Variants in TPT1 observed in about 807,000 individuals in gnomAD.
TPT1 encodes translationally-controlled tumor protein.
TPT1 carries 5 observed loss-of-function variants against 22.8 expected under a neutral mutation model. The ratio of observed to expected loss-of-function variants is 0.22; its 90% CI spans 0.11 to 0.46. The LOEUF (loss-of-function observed/expected upper bound fraction) is 0.46, where lower values mean the gene tolerates loss of function less well. Ranked by LOEUF, TPT1 falls within the 20% of genes least tolerant of loss-of-function variation. TPT1 has a pLI of 0.99. For missense variants in TPT1, 130 were observed against 218.7 expected (o/e 0.59, Z 2.56); for synonymous variants, 89 against 73.6 (o/e 1.21, Z -1.07).
intron 3 of TPT1, 144 bp from the exon 4 acceptor site, chr13:45,339,746 C>T: frequency 1.3e-6 from 1 of 787,350 alleles, no homozygotes; most frequent in Non-Finnish European, 2.0e-6. Context: ...CAGAAGGTAT[C>T]TTTCAAGAAT....
chr13:45,339,310 A>G (rs775424048), intron 4 of TPT1, 187 bp downstream of exon 4: 114 of 489,292 alleles, frequency 2.3e-4, no homozygotes, highest in South Asian at 1.1e-3. Context: ...ACAAAAAGAA[A>G]AACTGAGAAA....
intron 2 of TPT1, 112 bp from the exon 3 acceptor site, chr13:45,340,296 A>G: frequency 2.2e-6 from 3 of 1,347,234 alleles, no homozygotes; most frequent in Non-Finnish European, 3.1e-6. Context: ...GAAAATAAAA[A>G]AAGCACCATT....
In TPT1 at chr13:45,335,014, T is replaced by C. The variant is rs1878581837; in HGVS notation, c.*2372A>G. The C allele has an allele frequency of 1.3e-5, 2 of 152,200 alleles. No homozygotes were observed. The highest frequency in any genetic ancestry group is 2.9e-5 in the Non-Finnish European group (2 of 68,026). 9.4% of individuals were successfully genotyped at this position (152,200 alleles called of 1,614,324 possible). A position where few individuals can be genotyped will look rare whatever the true frequency, so the allele number is the denominator to read the frequency against. On this transcript the variant is annotated 3_prime_UTR_variant, in exon 6 of 6. Coordinates refer to ENST00000530705, the MANE Select transcript of TPT1 (RefSeq NM_003295.4). ...GACCTTCCTAGAAAAGTCCTCTTGCTCCACTCAGTTGTTCTCCACACTTTA... is the reference window on the plus strand; with the variant it reads ...GACCTTCCTAGAAAAGTCCTCTTGCCCCACTCAGTTGTTCTCCACACTTTA...
At chr13:45,337,789 T>G (rs566029023) in intron 5 of TPT1, among the ~76,000 whole-genome samples, 2 of 152,352 alleles carry the variant, frequency 1.3e-5, no homozygotes, top group South Asian at 4.1e-4. Flanking sequence ...CAGTATAGCT[T>G]TATGTTTTTC....
intron 4 of TPT1, 43 bp from the exon 5 acceptor site, chr13:45,338,819 CA>C (rs1159142713): frequency 3.4e-6 from 5 of 1,476,922 alleles, no homozygotes; most frequent in Non-Finnish European, 4.6e-6. Flanking sequence ...CTATTACATA[CA>C]AATACATGCC....
chr13:45,340,485 G>C (rs1366689637), intron 2 of TPT1: 4 of 747,206 alleles, frequency 5.4e-6, no homozygotes, highest in Admixed American at 2.0e-5. Flanking sequence ...TCCTAAGCCG[G>C]AAGCATCATG....
chr13:45,337,200 T>C lies in TPT1; in HGVS notation c.*186A>G, dbSNP rs968701394. The C allele has an allele frequency of 7.8e-6, 5 of 640,868 alleles. No individual in the cohort carries two copies. The highest frequency in any genetic ancestry group is 7.3e-5 in the African/African-American group (4 of 54,440). The allele number at this position is 640,868 out of a possible 1,614,324, so 39.7% of individuals were successfully genotyped here. ...AATGAGTTTAAATGCATTTTATTTTTAGACAACCTACATGACATGTTTTTC... is the reference window on the plus strand; with the variant it reads ...AATGAGTTTAAATGCATTTTATTTTCAGACAACCTACATGACATGTTTTTC... On this transcript the variant is annotated 3_prime_UTR_variant, in exon 6 of 6. Coordinates refer to ENST00000530705, the MANE Select transcript of TPT1 (RefSeq NM_003295.4).
rs1878870256 is a variant in TPT1 at position 45,338,568 on chromosome 13, A to G, written c.516+92T>C. ...CTAAAACCATGTTTCAGAACGCTGT[A>G]AAACTCATTCTCAGTGTCACAAAAC... is the stretch of plus-strand genomic sequence containing the variant. On this transcript the variant is annotated intron_variant, in intron 5 of 5. Coordinates refer to ENST00000530705, the MANE Select transcript of TPT1 (RefSeq NM_003295.4). The G allele has an allele frequency of 2.6e-6, 4 of 1,540,468 alleles. No individual in the cohort carries two copies. In the East Asian group the frequency reaches 9.3e-5, roughly 36 times the overall value.
chr13:45,340,677 C>T (rs762086612), intron 2 of TPT1, 35 bp downstream of exon 2: 46 of 1,559,086 alleles, frequency 3.0e-5, no homozygotes, highest in Middle Eastern at 1.7e-4. Context: ...CCCGCTCGGC[C>T]CGGACTCCCC....
intron 5 of TPT1, 160 bp from the exon 6 acceptor site, chr13:45,337,548 T>G: frequency 1.2e-6 from 2 of 1,611,518 alleles, no homozygotes; most frequent in East Asian, 4.5e-5. Context: ...TTCTTTCTTT[T>G]GCATCCTAGT....
chr13:45,340,863 C>A lies in TPT1; in HGVS notation c.29-78G>T, dbSNP rs563769054. On this transcript the variant is annotated intron_variant, in intron 1 of 5. Coordinates refer to ENST00000530705, the MANE Select transcript of TPT1 (RefSeq NM_003295.4). ...CGCATTTCCCGCGCCGGCGGCCGCA[C>A]GCGGGATCTGCCCCTCCGTAGCACA... 8.2e-6 allele frequency: 12 copies of A among 1,459,366 alleles called. No homozygotes were observed. In the South Asian group the frequency reaches 1.6e-4, roughly 19 times the overall value. 90.4% of individuals were successfully genotyped at this position (1,459,366 alleles called of 1,614,324 possible).
chr13:45,333,479 G>A lies in TPT1; in HGVS notation c.*3907C>T, dbSNP rs1019072956. On this transcript the variant is annotated 3_prime_UTR_variant, in exon 6 of 6. Coordinates refer to ENST00000530705, the MANE Select transcript of TPT1 (RefSeq NM_003295.4). ...ACCTTAAGGATGCTTTGTTATCAGT[G>A]TTCTCTCAAGTTGGTTGAGATTTAT... 2.6e-5 allele frequency: 4 copies of A among 152,152 alleles called. No homozygotes were observed. The highest frequency in any genetic ancestry group is 5.9e-5 in the Non-Finnish European group (4 of 68,036). The allele number at this position is 152,152 out of a possible 1,614,324, so 9.4% of individuals were successfully genotyped here.
chr13:45,333,697 C>A lies in TPT1; in HGVS notation c.*3689G>T, dbSNP rs1289293595. The A allele has an allele frequency of 1.3e-5, 2 of 152,154 alleles. No homozygotes were observed. The highest frequency in any genetic ancestry group is 2.4e-5 in the African/African-American group (1 of 41,436). The allele number at this position is 152,154 out of a possible 1,614,324, so 9.4% of individuals were successfully genotyped here. ...AAGCAGATGCACACATAATAAAAAA[C>A]CATGTACCTGTATTGTATTTCATGC... is the stretch of plus-strand genomic sequence containing the variant. On this transcript the variant is annotated 3_prime_UTR_variant, in exon 6 of 6. Coordinates refer to ENST00000530705, the MANE Select transcript of TPT1 (RefSeq NM_003295.4).
Position 45,335,239 on chromosome 13 carries a change from C to T in TPT1, c.*2147G>A, listed in dbSNP as rs1878597022. 6.6e-6 allele frequency: 1 copy of T among 152,152 alleles called. No individual in the cohort carries two copies. The highest frequency in any genetic ancestry group is 6.5e-5 in the Admixed American group (1 of 15,268). The allele number at this position is 152,152 out of a possible 1,614,324, so 9.4% of individuals were successfully genotyped here. ...TCTACCTGGAATCTTCAAAGGTTTACCATGAGGTAAACAGCTGGGGTTCAT... is the reference window on the plus strand; with the variant it reads ...TCTACCTGGAATCTTCAAAGGTTTATCATGAGGTAAACAGCTGGGGTTCAT... On this transcript the variant is annotated 3_prime_UTR_variant, in exon 6 of 6. Transcript: ENST00000530705.
At position 45,336,743 on chromosome 13, in the gene TPT1, A is replaced by C. The variant is rs940739793; in HGVS notation, c.*643T>G. ...TTAAAAAGGCAACCAACCACCTTAA[A>C]GTGTACAAAACAGGTGGTCAGATAG... On this transcript the variant is annotated 3_prime_UTR_variant, in exon 6 of 6. Coordinates refer to ENST00000530705, the MANE Select transcript of TPT1 (RefSeq NM_003295.4). 2.6e-5 allele frequency: 4 copies of C among 152,536 alleles called. No individual in the cohort carries two copies. Among genetic ancestry groups the C allele is most frequent in the African/African-American group, 9.6e-5 (4 of 41,474 alleles). The allele number at this position is 152,536 out of a possible 1,614,324, so 9.4% of individuals were successfully genotyped here. A position where few individuals can be genotyped will look rare whatever the true frequency, so the allele number is the denominator to read the frequency against.
At position 45,333,739 on chromosome 13, in the gene TPT1, CTT is replaced by C. The variant is rs1208294959; in HGVS notation, c.*3645_*3646del. Reference sequence around the variant, plus strand: ...ATTTCATGCCTGCGACTGTTAGTCTCTTGAGTGCATTTTAATTAGACTTCCTT... The same window carrying C: ...ATTTCATGCCTGCGACTGTTAGTCTCGAGTGCATTTTAATTAGACTTCCTT... On this transcript the variant is annotated 3_prime_UTR_variant, in exon 6 of 6. Coordinates refer to ENST00000530705, the MANE Select transcript of TPT1 (RefSeq NM_003295.4). The C allele has an allele frequency of 5.3e-5, 8 of 152,162 alleles. No individual in the cohort carries two copies. The highest frequency in any genetic ancestry group is 9.7e-5 in the African/African-American group (4 of 41,436). 9.4% of individuals were successfully genotyped at this position (152,162 alleles called of 1,614,324 possible). A position where few individuals can be genotyped will look rare whatever the true frequency, so the allele number is the denominator to read the frequency against.
chr13:45,341,070 G>T lies in TPT1; in HGVS notation c.-1C>A, dbSNP rs1879096776. On this transcript the variant is annotated 5_prime_UTR_variant, in exon 1 of 6. Transcript: ENST00000530705. The stretch of plus-strand genomic sequence containing the variant: ...TGATGAGGTCCCGGTAGATAATCAT[G>T]ATGGCGACTGAAGGGAGACGACGAC... 1.2e-6 allele frequency: 2 copies of T among 1,613,218 alleles called. No individual in the cohort carries two copies. The highest frequency in any genetic ancestry group is 1.7e-6 in the Non-Finnish European group (2 of 1,179,570).
At chr13:45,339,875 A>T in intron 3 of TPT1, 119 bp downstream of exon 3, 2 of 1,154,456 alleles carry the variant, frequency 1.7e-6, no homozygotes, top group Non-Finnish European at 2.4e-6. Flanking sequence ...TGAACTCATT[A>T]ATAAAAAAGC....
intron 5 of TPT1, 61 bp downstream of exon 5, chr13:45,338,599 C>CA: frequency 6.3e-7 from 1 of 1,583,954 alleles, no homozygotes; most frequent in Middle Eastern, 1.7e-4. Flanking sequence ...AAAACAATTG[C>CA]AAATCACATC....
Sources: gnomAD v4.1 joint callset for allele counts (sites outside exome capture counted in the v4.1 genomes callset) on GRCh38, gnomAD v4.1.1 for gene constraint, MANE v1.5 for transcripts, NCBI Gene and HGNC (gene_info 2026-07-23, HGNC 2026-07-21) for gene names.